Variants in CPQ observed in about 807,000 individuals in gnomAD.
CPQ encodes Ser-Met dipeptidase.
In CPQ, 37 loss-of-function variants were observed where a neutral mutation model predicts 45.7. The ratio of observed to expected loss-of-function variants is 0.81; its 90% CI spans 0.62 to 1.07. CPQ has a LOEUF of 1.07. Ranked by LOEUF, CPQ falls within the 50% of genes least tolerant of loss-of-function variation. CPQ has a pLI of 0.00. For missense variants in CPQ, 537 were observed against 572.9 expected (o/e 0.94, Z 0.64); for synonymous variants, 186 against 205.8 (o/e 0.90, Z 0.82).
chr8:96,919,864 C>T (rs1812784184), intron 4 of CPQ, among the ~76,000 whole-genome samples: 1 of 152,044 alleles, frequency 6.6e-6, no homozygotes, highest in Non-Finnish European at 1.5e-5. Context: ...ATAAAAAGGC[C>T]ACATGAGGTA....
intron 1 of CPQ, among the ~76,000 whole-genome samples, chr8:96,714,697 G>A (rs1809653529): frequency 1.3e-5 from 2 of 151,818 alleles, no homozygotes; most frequent in South Asian, 2.1e-4. Flanking sequence ...GACCTTTTGG[G>A]GGTTGTTATA....
chr8:97,041,696 G>C (rs535176760), intron 6 of CPQ, among the ~76,000 whole-genome samples: 52 of 152,200 alleles, frequency 3.4e-4, no homozygotes, highest in African/African-American at 1.2e-3. Flanking sequence ...TAGCATGGAG[G>C]GTTGTTGAAT....
At chr8:97,002,050 G>T (rs75639535) in intron 5 of CPQ, among the ~76,000 whole-genome samples, 1 of 151,892 alleles carries the variant, frequency 6.6e-6, no homozygotes, top group Non-Finnish European at 1.5e-5. Flanking sequence ...TAGTTTATGC[G>T]CATAGAAGGT....
At position 96,794,844 on chromosome 8, in the gene CPQ, C is replaced by T. The variant is rs142110629; in HGVS notation, c.433+9514C>T. On this transcript the variant is annotated intron_variant, in intron 2 of 7. Transcript: ENST00000220763. The stretch of plus-strand genomic sequence containing the variant: ...AATGCCACCACTCTCTTTGCTAAAA[C>T]ACAGCAAGAATCACCTTTGCTCCAT... Among the ~76,000 whole-genome samples, 348 of 152,268 alleles carry T rather than the reference C, an allele frequency of 2.3e-3. 4 individuals carry two copies. Among genetic ancestry groups the T allele is most frequent in the African/African-American group, 8.2e-3 (340 of 41,574 alleles).
chr8:97,052,915 T>A (rs1810386339), intron 6 of CPQ, among the ~76,000 whole-genome samples: 1 of 152,234 alleles, frequency 6.6e-6, no homozygotes, highest in Non-Finnish European at 1.5e-5. Context: ...AAGTGCTTTA[T>A]AACATACACA....
intron 1 of CPQ, among the ~76,000 whole-genome samples, chr8:96,738,445 T>A (rs1810024969): frequency 6.6e-6 from 1 of 151,600 alleles, no homozygotes; most frequent in African/African-American, 2.4e-5. Context: ...TTATTTTTTA[T>A]TTTTTTATTT....
chr8:96,687,170 TTTTCTTTCTC>T (rs1389629957), intron 1 of CPQ, among the ~76,000 whole-genome samples: 27 of 144,964 alleles, frequency 1.9e-4, no homozygotes, highest in African/African-American at 4.6e-4. Context: ...TTTTCTTTTC[TTTTCTTTCTC>T]TTCTCTTCTC....
chr8:96,764,962 A>G (rs918441062), intron 1 of CPQ, among the ~76,000 whole-genome samples: 6 of 152,210 alleles, frequency 3.9e-5, no homozygotes, highest in Admixed American at 1.3e-4. Context: ...GGCTCCCCCA[A>G]CTGCGTTTGA....
intron 5 of CPQ, among the ~76,000 whole-genome samples, chr8:97,028,036 A>AT: frequency 6.6e-6 from 1 of 152,272 alleles, no homozygotes; most frequent in African/African-American, 2.4e-5. Flanking sequence ...GAGAATTTGG[A>AT]TTTTATATGG....
chr8:96,726,831 C>T (rs1809849758), intron 1 of CPQ, among the ~76,000 whole-genome samples: 1 of 152,106 alleles, frequency 6.6e-6, no homozygotes, highest in South Asian at 2.1e-4. Flanking sequence ...ACCTCCTTAC[C>T]AAGTGATGCC....
At chr8:96,929,469 C>T (rs920475392) in intron 4 of CPQ, among the ~76,000 whole-genome samples, 1 of 152,158 alleles carries the variant, frequency 6.6e-6, no homozygotes, top group Non-Finnish European at 1.5e-5. Flanking sequence ...TTCTAATATG[C>T]TCCCTCAATG....
At chr8:96,729,096 G>T (rs1467431110) in intron 1 of CPQ, among the ~76,000 whole-genome samples, 1 of 152,186 alleles carries the variant, frequency 6.6e-6, no homozygotes, top group African/African-American at 2.4e-5. Context: ...AATATAGCAT[G>T]CATGAGGTTA....
intron 7 of CPQ, among the ~76,000 whole-genome samples, chr8:97,113,575 G>T (rs1169773250): frequency 3.3e-5 from 5 of 152,188 alleles, no homozygotes; most frequent in Non-Finnish European, 7.3e-5. Context: ...AGGCAGCATA[G>T]TGAGCAGGTT....
chr8:97,059,485 A>G (rs1354035751), intron 6 of CPQ, among the ~76,000 whole-genome samples: 1 of 152,168 alleles, frequency 6.6e-6, no homozygotes, highest in Non-Finnish European at 1.5e-5. Context: ...TGGGTGCCCA[A>G]AGCTGTTCAA....
intron 1 of CPQ, among the ~76,000 whole-genome samples, chr8:96,750,556 G>A (rs1440283402): frequency 6.6e-6 from 1 of 150,786 alleles, no homozygotes; most frequent in African/African-American, 2.4e-5. Flanking sequence ...TGCATCTGTA[G>A]GATAGCTGAT....
chr8:96,727,308 C>T (rs765744992), intron 1 of CPQ, among the ~76,000 whole-genome samples: 14 of 152,130 alleles, frequency 9.2e-5, no homozygotes, highest in East Asian at 1.9e-4. Context: ...GTTCCCATTT[C>T]GTTTTCACTG....
intron 6 of CPQ, among the ~76,000 whole-genome samples, chr8:97,059,242 G>A (rs13263292): frequency 0.05 from 7,565 of 152,204 alleles, 292 homozygotes; most frequent in Non-Finnish European, 0.071. Flanking sequence ...GGGATCTCCA[G>A]TGGCTACTCA....
chr8:97,029,125 C>CCCTGTGAATG (rs1809850338), intron 5 of CPQ, among the ~76,000 whole-genome samples: 1 of 152,120 alleles, frequency 6.6e-6, no homozygotes, highest in African/African-American at 2.4e-5. Flanking sequence ...TTCTGCTGGG[C>CCCTGTGAATG]AGGATATCAA....
At chr8:97,112,225 C>T (rs1160677096) in intron 7 of CPQ, among the ~76,000 whole-genome samples, 1 of 148,878 alleles carries the variant, frequency 6.7e-6, no homozygotes, top group African/African-American at 2.5e-5. Flanking sequence ...AAGATGAAAA[C>T]AGTGTCTACT....
Sources: allele counts gnomAD v4.1 joint callset (sites outside exome capture counted in the v4.1 genomes callset), GRCh38; gene constraint gnomAD v4.1.1; transcripts MANE v1.5; gene names NCBI Gene and HGNC (gene_info 2026-07-23, HGNC 2026-07-21).